The following TFAP2B variants were observed in gnomAD, a reference collection of about 807,000 sequenced individuals.
The protein encoded by TFAP2B is transcription factor AP-2 beta.
In TFAP2B, 9 loss-of-function variants were observed where a neutral mutation model predicts 44.3. The ratio of observed to expected loss-of-function variants is 0.20; its 90% CI spans 0.12 to 0.35. The LOEUF (loss-of-function observed/expected upper bound fraction) is 0.35, where lower values mean the gene tolerates loss of function less well. Among genes scored for constraint, TFAP2B ranks in the 10% least tolerant of loss-of-function variants. TFAP2B has a pLI of 1.00. For synonymous variants in TFAP2B, 270 were observed against 263.8 expected (o/e 1.02, Z -0.23); for missense variants, 509 against 600.0 (o/e 0.85, Z 1.59).
At chr6:50,819,867 G>GC (rs1478167589) in intron 1 of TFAP2B, among the ~76,000 whole-genome samples, 1 of 101,414 alleles carries the variant, frequency 9.9e-6, no homozygotes, top group African/African-American at 3.3e-5. Flanking sequence ...GGCGGGCGAG[G>GC]TGGGAGAGGC....
At chr6:50,837,673 C>A (rs1425615390) in intron 4 of TFAP2B, among the ~76,000 whole-genome samples, 1 of 152,270 alleles carries the variant, frequency 6.6e-6, no homozygotes, top group South Asian at 2.1e-4. Flanking sequence ...CATGCACGTG[C>A]ATGTGCAGCT....
At chr6:50,828,441 T>C (rs1770585858) in intron 2 of TFAP2B, among the ~76,000 whole-genome samples, 178 bp from the exon 3 acceptor site, 1 of 152,244 alleles carries the variant, frequency 6.6e-6, no homozygotes, top group Non-Finnish European at 1.5e-5. Flanking sequence ...TGGAAAAATT[T>C]ATAATTTGAG....
In TFAP2B at chr6:50,845,313, G is replaced by C. The variant is rs1231186233; in HGVS notation, c.*1921G>C. ...TGCCCCCCTCCCGCTTTGCCTTGGT[G>C]GGGGTGGGGATTGGGGGAGTGGGGA... On this transcript the variant is annotated 3_prime_UTR_variant, in exon 7 of 7. Coordinates refer to ENST00000393655, the MANE Select transcript of TFAP2B (RefSeq NM_003221.4). 6.6e-6 allele frequency: 1 copy of C among 152,158 alleles called. No individual in the cohort carries two copies. The highest frequency in any genetic ancestry group is 2.4e-5 in the African/African-American group (1 of 41,404). The allele number at this position is 152,158 out of a possible 1,614,324, so 9.4% of individuals were successfully genotyped here.
chr6:50,840,054 G>T, intron 5 of TFAP2B, 102 bp from the exon 6 acceptor site: 1 of 1,480,544 alleles, frequency 6.8e-7, no homozygotes, highest in South Asian at 1.1e-5. Flanking sequence ...CCAACAGCTG[G>T]CCTTCTCTGG....
chr6:50,827,814 G>A (rs1002318309), intron 2 of TFAP2B, among the ~76,000 whole-genome samples: 1 of 152,210 alleles, frequency 6.6e-6, no homozygotes, highest in Non-Finnish European at 1.5e-5. Context: ...TTTCCTCTCA[G>A]AAGTGCTACC....
intron 6 of TFAP2B, among the ~76,000 whole-genome samples, chr6:50,841,562 C>G (rs1440546698): frequency 6.6e-6 from 1 of 152,162 alleles, no homozygotes; most frequent in Non-Finnish European, 1.5e-5. Context: ...ATGCATCTAA[C>G]TACCCACTGT....
chr6:50,821,063 C>G (rs993333382), intron 1 of TFAP2B, among the ~76,000 whole-genome samples: 3 of 152,196 alleles, frequency 2.0e-5, no homozygotes, highest in Non-Finnish European at 4.4e-5. Context: ...TAAGTCTGGA[C>G]TAAGGTTGAA....
chr6:50,829,458 G>A (rs1014063013), intron 3 of TFAP2B, among the ~76,000 whole-genome samples: 8 of 152,194 alleles, frequency 5.3e-5, no homozygotes, highest in Non-Finnish European at 7.3e-5. Flanking sequence ...AATGCCTGGC[G>A]ATTAGTGTAG....
chr6:50,823,795 G>T lies in TFAP2B; in HGVS notation c.470G>T (p.Gly157Val). 2 of 1,581,876 alleles carry T rather than the reference G, an allele frequency of 1.3e-6. No homozygotes were observed. Among genetic ancestry groups the T allele is most frequent in the Non-Finnish European group, 1.7e-6 (2 of 1,163,950 alleles). The change falls in exon 2 of 7, where the codon GGC becomes GTC. Residue 157 changes from glycine to valine, a missense_variant. Gly to Val is a moderately radical substitution (Grantham distance 109, BLOSUM62 -3). This residue lies in a region of TFAP2B where 296 missense variants were observed against 308.2 expected (regional missense o/e 0.96). Coordinates refer to ENST00000393655, the MANE Select transcript of TFAP2B (RefSeq NM_003221.4). ...GTGCTGCTGCATTCGGCGCACCACGGCCTGGACGCGGGCATGGGTGACAGC... is the reference window on the plus strand; with the variant it reads ...GTGCTGCTGCATTCGGCGCACCACGTCCTGGACGCGGGCATGGGTGACAGC... ...PDVLLHSAHH[G>V]LDAGMGDSLS...
Position 50,836,066 on chromosome 6 carries a change from G to A in TFAP2B, c.607G>A (p.Val203Ile). The part of the protein sequence containing the change: ...LDQSVIKKVP[V>I]PPKSVTSLMM... ...AATTTTTTCTCTCTTTCTAGTTCCA[G>A]TTCCTCCCAAATCGGTGACTTCTCT... Residue 203 changes from valine (V) to isoleucine (I), a missense_variant, in exon 4 of 7, where the codon GTT (valine) becomes ATT (isoleucine). By Grantham distance (29) the Val-to-Ile change is conservative. Transcript: ENST00000393655. 6.2e-7 allele frequency: 1 copy of A among 1,614,016 alleles called. No individual in the cohort carries two copies. The highest frequency in any genetic ancestry group is 8.5e-7 in the Non-Finnish European group (1 of 1,179,932).
At position 50,845,411 on chromosome 6, in the gene TFAP2B, G is replaced by T. The variant is rs567057511; in HGVS notation, c.*2019G>T. ...TAAAAGAGGAAAGGGAAGTTAGGAAGCTCGTCTCAGGTCACCAAAAGGGCC... is the reference window on the plus strand; with the variant it reads ...TAAAAGAGGAAAGGGAAGTTAGGAATCTCGTCTCAGGTCACCAAAAGGGCC... On this transcript the variant is annotated 3_prime_UTR_variant, in exon 7 of 7. Transcript: ENST00000393655. 1 of 152,194 alleles carries T rather than the reference G, an allele frequency of 6.6e-6. No homozygotes were observed. Among genetic ancestry groups the T allele is most frequent in the Non-Finnish European group, 1.5e-5 (1 of 68,072 alleles). 9.4% of individuals were successfully genotyped at this position (152,194 alleles called of 1,614,324 possible).
chr6:50,830,050 A>G (rs2857504), intron 3 of TFAP2B, among the ~76,000 whole-genome samples: 20,116 of 152,062 alleles, frequency 0.13, 1,437 homozygotes, highest in African/African-American at 0.18. Context: ...TAAATTTGCA[A>G]CTGTGCTGAC....
chr6:50,836,080 G>C lies in TFAP2B; in HGVS notation c.621G>C (p.Ser207=). 6.2e-7 allele frequency: 1 copy of C among 1,614,076 alleles called. No individual in the cohort carries two copies. The highest frequency in any genetic ancestry group is 1.1e-5 in the South Asian group (1 of 91,068). Residue 207 remains serine, a synonymous_variant, in exon 4 of 7, where the codon TCG becomes TCC. Coordinates refer to ENST00000393655, the MANE Select transcript of TFAP2B (RefSeq NM_003221.4). Reference sequence around the variant, plus strand: ...TTCTAGTTCCAGTTCCTCCCAAATCGGTGACTTCTCTAATGATGAATAAAG... The same window carrying C: ...TTCTAGTTCCAGTTCCTCCCAAATCCGTGACTTCTCTAATGATGAATAAAG... ...VIKKVPVPPK[S]VTSLMMNKDG...
At chr6:50,829,220 A>G (rs1770608357) in intron 3 of TFAP2B, among the ~76,000 whole-genome samples, 1 of 152,188 alleles carries the variant, frequency 6.6e-6, no homozygotes, top group Non-Finnish European at 1.5e-5. Context: ...GAGACAGCCT[A>G]TGCACATTTC....
chr6:50,846,907 C>T lies in TFAP2B; in HGVS notation c.*3515C>T, dbSNP rs780286515. The T allele has an allele frequency of 1.3e-5, 2 of 152,618 alleles. No individual in the cohort carries two copies. Among genetic ancestry groups the T allele is most frequent in the Non-Finnish European group, 2.9e-5 (2 of 68,044 alleles). The allele number at this position is 152,618 out of a possible 1,614,324, so 9.5% of individuals were successfully genotyped here. A position where few individuals can be genotyped will look rare whatever the true frequency, so the allele number is the denominator to read the frequency against. ...TTTAAAGACCTGGCTGCTTTGTTTT[C>T]CTTGGCCAAGGAAGCCACTTTCTCT... On this transcript the variant is annotated 3_prime_UTR_variant, in exon 7 of 7. Transcript: ENST00000393655.
chr6:50,836,396 G>A, intron 4 of TFAP2B, 116 bp downstream of exon 4: 1 of 956,488 alleles, frequency 1.0e-6, no homozygotes, highest in Non-Finnish European at 1.6e-6. Context: ...GCAGTCTGAC[G>A]CAGTTGCCTA....
In TFAP2B at chr6:50,828,581, T is replaced by C. The variant is rs1770589469; in HGVS notation, c.541-38T>C. Reference sequence around the variant, plus strand: ...GATTTATGTGTGCAATTCTTTAATATCCTGTCAATTTGAATAGTGATGTTT... The same window carrying C: ...GATTTATGTGTGCAATTCTTTAATACCCTGTCAATTTGAATAGTGATGTTT... On this transcript the variant is annotated intron_variant, in intron 2 of 6. Coordinates refer to ENST00000393655, the MANE Select transcript of TFAP2B (RefSeq NM_003221.4). 2.6e-6 allele frequency: 4 copies of C among 1,566,180 alleles called. No individual in the cohort carries two copies. The African/African-American group carries it at 4.1e-5, about 16-fold the overall frequency.
chr6:50,829,005 C>T (rs1468165044), intron 3 of TFAP2B, among the ~76,000 whole-genome samples: 1 of 152,164 alleles, frequency 6.6e-6, no homozygotes, highest in African/African-American at 2.4e-5. Flanking sequence ...ACACTGGTTT[C>T]AAGAAGGTGC....
chr6:50,836,328 A>C, intron 4 of TFAP2B, 48 bp downstream of exon 4: 7 of 1,495,948 alleles, frequency 4.7e-6, no homozygotes, highest in Non-Finnish European at 6.5e-6. Context: ...AACAAACAAA[A>C]ACCCACCAGT....
Sources: allele counts gnomAD v4.1 joint callset (sites outside exome capture counted in the v4.1 genomes callset), GRCh38; gene constraint gnomAD v4.1.1; regional missense constraint gnomAD v4.1.1; transcripts MANE v1.5; gene names NCBI Gene and HGNC (gene_info 2026-07-23, HGNC 2026-07-21).